The following SEM1 variants were observed in gnomAD, a reference collection of about 807,000 sequenced individuals.
SEM1 encodes SEM1 26S proteasome subunit.
SEM1 carries 3 observed loss-of-function variants against 12.7 expected under a neutral mutation model. The observed-to-expected ratio is 0.24, with a 90% CI of 0.11 to 0.61. SEM1 has a LOEUF of 0.61. SEM1 is among the 20% of genes least tolerant of loss of function. The pLI is 0.88. For synonymous variants in SEM1, 30 were observed against 27.8 expected (o/e 1.08, Z -0.25); for missense variants, 59 against 81.3 (o/e 0.73, Z 1.06).
intron 2 of SEM1, among the ~76,000 whole-genome samples, chr7:96,694,356 C>A (rs1386784081): frequency 6.6e-6 from 1 of 151,902 alleles, no homozygotes; most frequent in Non-Finnish European, 1.5e-5. Flanking sequence ...ATGAATTTTA[C>A]CTCAATAAAT....
rs1806126173 is a variant in SEM1, at chr7:96,574,089, T to C, written c.171-67391A>G. 3.3e-5 allele frequency among the ~76,000 whole-genome samples: 5 copies of C among 152,034 alleles called. No homozygotes were observed. In the South Asian group the frequency reaches 1.0e-3, roughly 32 times the overall value. ...TCCTAATGATATCCCTCCCCGCTCC[T>C]CCCACCCCACAACAGGCCCCAGTGT... On this transcript the variant is annotated intron_variant and NMD_transcript_variant, in intron 2 of 3. Coordinates refer to the SEM1 transcript ENST00000466986.
At chr7:96,568,953 A>G (rs1407281609) in intron 2 of SEM1, among the ~76,000 whole-genome samples, 2 of 151,904 alleles carry the variant, frequency 1.3e-5, no homozygotes, top group African/African-American at 4.8e-5. Context: ...TATTGTAAGT[A>G]ATTACAGTAT....
rs918829449 is a variant in SEM1, at chr7:96,701,300, C to T, written c.77-6409G>A. Among the ~76,000 whole-genome samples the T allele has an allele frequency of 8.6e-5, 13 of 151,278 alleles. No homozygotes were observed. In the East Asian group the frequency reaches 1.7e-3, roughly 20 times the overall value. ...CCCTCATCCTCAATATGATGGTATTCGGGAGGTAATCAGGATTGAATGAGG... is the reference window on the plus strand; with the variant it reads ...CCCTCATCCTCAATATGATGGTATTTGGGAGGTAATCAGGATTGAATGAGG... On this transcript the variant is annotated intron_variant, in intron 1 of 2. Coordinates refer to ENST00000248566, the MANE Select transcript of SEM1 (RefSeq NM_006304.2).
intron 2 of SEM1, among the ~76,000 whole-genome samples, chr7:96,557,866 G>A (rs575015169): frequency 3.9e-5 from 6 of 152,272 alleles, no homozygotes; most frequent in South Asian, 4.2e-4. Flanking sequence ...AGGACCCTCC[G>A]AGCCAGGTGT....
intron 2 of SEM1, among the ~76,000 whole-genome samples, chr7:96,563,356 A>G (rs575989204): frequency 6.6e-6 from 1 of 152,030 alleles, no homozygotes; most frequent in East Asian, 1.9e-4. Context: ...GGTTTGGGGG[A>G]AAAAAAGGAG....
rs180766741 is a variant in SEM1, at chr7:96,585,003, G to C, written c.171-78305C>G. 5.9e-5 allele frequency among the ~76,000 whole-genome samples: 9 copies of C among 151,612 alleles called. No individual in the cohort carries two copies. In the East Asian group the frequency reaches 1.7e-3, roughly 29 times the overall value. ...ATTCTCCATCCAGCTTTGTTCCATT[G>C]CTGGTGAGGAACTGCGTTCCTTTGG... is the stretch of plus-strand genomic sequence containing the variant. On this transcript the variant is annotated intron_variant and NMD_transcript_variant, in intron 2 of 3. Coordinates refer to the SEM1 transcript ENST00000466986.
chr7:96,502,701 G>T (rs1309365083), intron 3 of SEM1, among the ~76,000 whole-genome samples: 2 of 152,110 alleles, frequency 1.3e-5, no homozygotes, highest in African/African-American at 4.8e-5. Flanking sequence ...GTAAATTCCA[G>T]AATAGAAAAA....
At chr7:96,703,183 G>T (rs1433068155) in intron 1 of SEM1, among the ~76,000 whole-genome samples, 3 of 152,014 alleles carry the variant, frequency 2.0e-5, no homozygotes, top group African/African-American at 7.2e-5. Flanking sequence ...TTACAACTGG[G>T]CATCCCAAAT....
At chr7:96,694,154 A>C (rs1464216424) in intron 2 of SEM1, among the ~76,000 whole-genome samples, 4 of 151,954 alleles carry the variant, frequency 2.6e-5, no homozygotes, top group Non-Finnish European at 4.4e-5. Context: ...AAATACTTAG[A>C]GATAGAAAGC....
chr7:96,585,440 C>T lies in SEM1; in HGVS notation c.171-78742G>A, dbSNP rs539665961. The stretch of plus-strand genomic sequence containing the variant: ...TTTTTGTTTGTCTGTGCCCTGCCCC[C>T]AGAGGTGGAGCCTACAGAGGCAGGC... On this transcript the variant is annotated intron_variant and NMD_transcript_variant, in intron 2 of 3. Transcript: ENST00000466986. Among the ~76,000 whole-genome samples the T allele has an allele frequency of 4.8e-5, 7 of 146,332 alleles. No homozygotes were observed. In the East Asian group the frequency reaches 1.2e-3, roughly 25 times the overall value.
chr7:96,664,980 C>T (rs1055424154), intron 2 of SEM1, among the ~76,000 whole-genome samples: 1 of 152,190 alleles, frequency 6.6e-6, no homozygotes, highest in African/African-American at 2.4e-5. Flanking sequence ...TACTTGTTTT[C>T]AAGCTCCAGA....
rs539139900 is a variant in SEM1, at chr7:96,643,346, T to C, written c.171-20703A>G. On this transcript the variant is annotated intron_variant, in intron 2 of 2. Coordinates refer to the SEM1 transcript ENST00000417009. Reference sequence around the variant, plus strand: ...ACGTACCATATTTTCTTTATTTTTATTTATTTTTAATTTTTTATTATACTT... The same window carrying C: ...ACGTACCATATTTTCTTTATTTTTACTTATTTTTAATTTTTTATTATACTT... Among the ~76,000 whole-genome samples, 6 of 112,752 alleles carry C rather than the reference T, an allele frequency of 5.3e-5. No homozygotes were observed. In the East Asian group the frequency reaches 1.2e-3, roughly 22 times the overall value. 74.0% of individuals were successfully genotyped at this position (112,752 alleles called of 152,430 possible). A position where few individuals can be genotyped will look rare whatever the true frequency, so the allele number is the denominator to read the frequency against.
intron 2 of SEM1, among the ~76,000 whole-genome samples, chr7:96,689,666 T>C (rs1042327020): frequency 3.3e-5 from 5 of 152,218 alleles, no homozygotes; most frequent in African/African-American, 1.2e-4. Context: ...ATGTATAGTA[T>C]TTAGCATTCA....
In SEM1 at chr7:96,559,490, C is replaced by T. The variant is rs145757015; in HGVS notation, c.171-52792G>A. On this transcript the variant is annotated intron_variant and NMD_transcript_variant, in intron 2 of 3. Coordinates refer to the SEM1 transcript ENST00000466986. ...TAGAGATGGGGTTTCACCATGTTGC[C>T]CAGGCTGGTCTTGAAATCCAGAGAT... Among the ~76,000 whole-genome samples, 6 of 152,222 alleles carry T rather than the reference C, an allele frequency of 3.9e-5. No individual in the cohort carries two copies. In the East Asian group the frequency reaches 1.2e-3, roughly 29 times the overall value.
chr7:96,559,695 T>C (rs968935062), intron 2 of SEM1, among the ~76,000 whole-genome samples: 1 of 152,246 alleles, frequency 6.6e-6, no homozygotes, highest in African/African-American at 2.4e-5. Flanking sequence ...TAGAGAGTAC[T>C]AGAGCTCACC....
intron 2 of SEM1, among the ~76,000 whole-genome samples, chr7:96,599,752 T>C (rs1306257692): frequency 6.6e-6 from 1 of 152,080 alleles, no homozygotes; most frequent in African/African-American, 2.4e-5. Flanking sequence ...GGCCTGTCTT[T>C]ATGTAGTCAC....
chr7:96,704,425 T>C (rs143081331), intron 1 of SEM1, among the ~76,000 whole-genome samples: 2 of 152,276 alleles, frequency 1.3e-5, no homozygotes, highest in African/African-American at 4.8e-5. Context: ...ACTACAAAAA[T>C]ATTTTAAAGA....
chr7:96,669,162 C>A (rs1306759276), downstream of SEM1, among the ~76,000 whole-genome samples: 2 of 152,158 alleles, frequency 1.3e-5, no homozygotes, highest in African/African-American at 2.4e-5. Flanking sequence ...TTTGTTATGG[C>A]AGCCCTAGGA....
intron 2 of SEM1, among the ~76,000 whole-genome samples, chr7:96,585,484 G>C (rs1218036041): frequency 6.6e-6 from 1 of 152,220 alleles, no homozygotes; most frequent in African/African-American, 2.4e-5. Context: ...TTCAGCTGTG[G>C]TGGGCTCCAC....
Sources: allele counts gnomAD v4.1 joint callset (sites outside exome capture counted in the v4.1 genomes callset), GRCh38; gene constraint gnomAD v4.1.1; transcripts MANE v1.5; gene names NCBI Gene and HGNC (gene_info 2026-07-23, HGNC 2026-07-21).